BTNL3: variants seen among roughly 807,000 people sequenced by gnomAD.
BTNL3 encodes butyrophilin like 3.
In BTNL3, 20 loss-of-function variants were observed where a neutral mutation model predicts 40.1. That is an observed-to-expected ratio of 0.50 (90% CI 0.35 to 0.72). BTNL3 has a LOEUF of 0.72. Ranked by LOEUF, BTNL3 falls within the 30% of genes least tolerant of loss-of-function variation. The pLI, the probability that BTNL3 is intolerant of heterozygous loss-of-function variation, is 0.01. For synonymous variants in BTNL3, 179 were observed against 222.1 expected, an observed-to-expected ratio of 0.81 and a Z score of 1.73; for missense variants, 449 against 582.2, an observed-to-expected ratio of 0.77 and a Z score of 2.35.
In BTNL3 at chr5:181,005,840, C is replaced by T. The variant is rs1355871132; in HGVS notation, c.1369C>T (p.Pro457Ser). ...GATGTATGACGAGGAAAAGGGGACTCCCATATTCATATGTCCAGTGTCCTG... is the reference window on the plus strand; with the variant it reads ...GATGTATGACGAGGAAAAGGGGACTTCCATATTCATATGTCCAGTGTCCTG... ...HAMYDEEKGT[P>S]IFICPVSWG is the part of the protein sequence containing the mutation. Residue 457 changes from proline to serine, a missense_variant, in exon 8 of 8, where the codon CCC (proline) becomes TCC (serine). By Grantham distance (74) the Pro-to-Ser change is moderately conservative (BLOSUM62 -1). Transcript: ENST00000342868. The T allele has an allele frequency of 6.2e-7, 1 of 1,612,120 alleles. No individual in the cohort carries two copies. The highest frequency in any genetic ancestry group is 8.5e-7 in the Non-Finnish European group (1 of 1,178,952).
At chr5:180,997,989 G>A (rs1407710404) in intron 3 of BTNL3, among the ~76,000 whole-genome samples, 3 of 136,132 alleles carry the variant, frequency 2.2e-5, no homozygotes, top group African/African-American at 5.1e-5. Context: ...AAATCTCATC[G>A]CTTGAACCCA....
chr5:180,992,410 A>G (rs1048528095), intron 1 of BTNL3, among the ~76,000 whole-genome samples: 2 of 137,192 alleles, frequency 1.5e-5, no homozygotes, highest in Admixed American at 1.5e-4. Flanking sequence ...GGTTTTTAGC[A>G]TAGAAGATGC....
chr5:181,004,890 C>T lies in BTNL3; in HGVS notation c.862+128C>T, dbSNP rs867033878. 57 of 1,551,952 alleles carry T rather than the reference C, an allele frequency of 3.7e-5. 1 individual carries two copies. The Middle Eastern group carries it at 2.5e-3, about 68-fold the overall frequency. On this transcript the variant is annotated intron_variant, in intron 7 of 7. Transcript: ENST00000342868. ...AATCCACCCCAGGGTGCAGCTGCCT[C>T]TAAATACACTTCTTGGCCCAGGACT...
At chr5:180,991,015 G>A (rs947897710) in intron 1 of BTNL3, among the ~76,000 whole-genome samples, 3 of 137,060 alleles carry the variant, frequency 2.2e-5, no homozygotes, top group African/African-American at 7.5e-5. Context: ...CCTGGGCTGA[G>A]GAGGTTCCAA....
chr5:180,993,063 G>A lies in BTNL3; in HGVS notation c.300G>A (p.Arg100=). 1.4e-6 allele frequency: 2 copies of A among 1,455,386 alleles called. 1 individual carries two copies. The allele number at this position is 1,455,386 out of a possible 1,614,324, so 90.2% of individuals were successfully genotyped here. Residue 100 remains arginine, a synonymous_variant, in exon 2 of 8, where the codon AGG becomes AGA. Transcript: ENST00000342868. ...TTGCAGGGGGGCGTGTCTCTCTAAGGCTAAAAAACATCACTCCCTCGGACA... is the reference window on the plus strand; with the variant it reads ...TTGCAGGGGGGCGTGTCTCTCTAAGACTAAAAAACATCACTCCCTCGGACA... ...DSIAGGRVSL[R]LKNITPSDIG...
At position 181,002,512 on chromosome 5, in the gene BTNL3, C is replaced by T. The variant is rs1436436562; in HGVS notation, c.674-160C>T. On this transcript the variant is annotated intron_variant, in intron 3 of 7. Coordinates refer to ENST00000342868, the MANE Select transcript of BTNL3 (RefSeq NM_197975.3). ...TATATATATATATATATATGAAATC[C>T]GGATGGATCAAGATGTTTATAGAAA... is the stretch of plus-strand genomic sequence containing the variant. Among the ~76,000 whole-genome samples the T allele has an allele frequency of 5.0e-5, 4 of 80,170 alleles. 1 individual carries two copies. Among genetic ancestry groups the T allele is most frequent in the African/African-American group, 1.3e-4 (3 of 23,826 alleles). 52.6% of individuals were successfully genotyped at this position (80,170 alleles called of 152,430 possible).
At position 180,993,156 on chromosome 5, in the gene BTNL3, G is replaced by T; in HGVS notation, c.393G>T (p.Val131=). ...YDEEATWELR[V]AALGSLPLIS... ...AGGAGGCCACCTGGGAGCTGCGGGT[G>T]GCAGGTCAGTTGTTTATTTATGACT... Residue 131 remains valine (V), a synonymous_variant, in exon 2 of 8, where the codon GTG becomes GTT. Coordinates refer to ENST00000342868, the MANE Select transcript of BTNL3 (RefSeq NM_197975.3). The T allele has an allele frequency of 7.0e-7, 1 of 1,433,342 alleles. No individual in the cohort carries two copies. Among genetic ancestry groups the T allele is most frequent in the Non-Finnish European group, 9.6e-7 (1 of 1,042,976 alleles). 88.8% of individuals were successfully genotyped at this position (1,433,342 alleles called of 1,614,324 possible).
At chr5:180,998,683 T>A (rs1760065756) in intron 3 of BTNL3, among the ~76,000 whole-genome samples, 2 of 137,658 alleles carry the variant, frequency 1.5e-5, no homozygotes, top group Non-Finnish European at 3.3e-5. Context: ...ATAGTTTAAA[T>A]TCTTATGTGT....
Position 180,992,617 on chromosome 5 carries a change from A to T in BTNL3, c.50-196A>T, listed in dbSNP as rs1490425333. ...CATACCTCACCTCATCTCACATGAG[A>T]TGTGTGTGAGAACCGAGTGAAGTAA... On this transcript the variant is annotated intron_variant, in intron 1 of 7. Coordinates refer to ENST00000342868, the MANE Select transcript of BTNL3 (RefSeq NM_197975.3). Among the ~76,000 whole-genome samples, 2 of 137,220 alleles carry T rather than the reference A, an allele frequency of 1.5e-5. 1 individual carries two copies. The highest frequency in any genetic ancestry group is 3.3e-5 in the Non-Finnish European group (2 of 59,926). 90.0% of individuals were successfully genotyped at this position (137,220 alleles called of 152,430 possible).
rs933247555 is a variant in BTNL3, at chr5:181,001,259, T to C, written c.674-1413T>C. On this transcript the variant is annotated intron_variant, in intron 3 of 7. Transcript: ENST00000342868. ...AAGATACCAGTTCTCCTAGAATTGC[T>C]GTACAGATTCAATACAATTCCATAG... Among the ~76,000 whole-genome samples, 17 of 136,932 alleles carry C rather than the reference T, an allele frequency of 1.2e-4. 5 individuals carry two copies. The highest frequency in any genetic ancestry group is 1.0e-4 in the Non-Finnish European group (6 of 59,896). 89.8% of individuals were successfully genotyped at this position (136,932 alleles called of 152,430 possible). A position where few individuals can be genotyped will look rare whatever the true frequency, so the allele number is the denominator to read the frequency against.
Position 180,992,872 on chromosome 5 carries a change from G to A in BTNL3, c.109G>A (p.Val37Met), listed in dbSNP as rs754749548. ...FVQALVGEDA[V>M]FSCSLFPETS... ...CCAGGCCTTGGTGGGGGAGGACGCCGTGTTCTCCTGCTCCCTCTTTCCTGA... is the reference window on the plus strand; with the variant it reads ...CCAGGCCTTGGTGGGGGAGGACGCCATGTTCTCCTGCTCCCTCTTTCCTGA... Residue 37 changes from valine to methionine, a missense_variant, in exon 2 of 8, where the codon GTG (valine) becomes ATG (methionine). This residue lies in a region of BTNL3 where 323 missense variants were observed against 464.9 expected (regional missense o/e 0.69). Transcript: ENST00000342868. The A allele has an allele frequency of 5.9e-5, 87 of 1,463,070 alleles. 21 individuals are homozygous for A. Among genetic ancestry groups the A allele is most frequent in the Admixed American group, 1.9e-4 (10 of 53,214 alleles). 90.6% of individuals were successfully genotyped at this position (1,463,070 alleles called of 1,614,324 possible). A position where few individuals can be genotyped will look rare whatever the true frequency, so the allele number is the denominator to read the frequency against.
At chr5:180,998,754 A>G (rs1760067018) in intron 3 of BTNL3, among the ~76,000 whole-genome samples, 1 of 138,116 alleles carries the variant, frequency 7.2e-6, no homozygotes, top group Admixed American at 7.6e-5. Flanking sequence ...TGATAGGTAG[A>G]AAATTCTTAA....
chr5:180,992,739 T>C, intron 1 of BTNL3, 74 bp from the exon 2 acceptor site: 1 of 1,420,832 alleles, frequency 7.0e-7, no homozygotes, highest in Non-Finnish European at 9.7e-7. Context: ...TACCCCACAC[T>C]TCTCCACCCA....
intron 4 of BTNL3, among the ~76,000 whole-genome samples, chr5:181,003,557 C>T (rs1449447397): frequency 2.1e-5 from 3 of 139,638 alleles, no homozygotes; most frequent in Admixed American, 1.5e-4. Flanking sequence ...AGTGACACTT[C>T]CCCTTGGGGG....
chr5:180,997,820 G>A (rs114803039), intron 3 of BTNL3, among the ~76,000 whole-genome samples: 4,475 of 136,832 alleles, frequency 0.033, 671 homozygotes, highest in African/African-American at 0.1. Flanking sequence ...AGAAAACGTC[G>A]TTGCTCCTTC....
chr5:180,997,349 C>T lies in BTNL3; in HGVS notation c.534C>T (p.Asp178=). 1 of 1,464,488 alleles carries T rather than the reference C, an allele frequency of 6.8e-7. No homozygotes were observed. Among genetic ancestry groups the T allele is most frequent in the South Asian group, 1.1e-5 (1 of 89,326 alleles). 90.7% of individuals were successfully genotyped at this position (1,464,488 alleles called of 1,614,324 possible). Residue 178 remains aspartate, a synonymous_variant, in exon 3 of 8, where the codon GAC becomes GAT. Transcript: ENST00000342868. ...CACAAGGACAGGATTTGTCTTCAGA[C>T]TCCAGAGCAAATGCAGATGGGTACA... The part of the protein sequence containing the change: ...KGPQGQDLSS[D]SRANADGYSL...
chr5:180,997,087 TGTGAGA>T, intron 2 of BTNL3, 120 bp from the exon 3 acceptor site: 2 of 1,239,232 alleles, frequency 1.6e-6, no homozygotes, highest in South Asian at 1.3e-5. Flanking sequence ...GATGTGTGTG[TGTGAGA>T]GAGAGAGAGA....
intron 3 of BTNL3, among the ~76,000 whole-genome samples, chr5:181,000,542 C>T (rs1347834265): frequency 3.0e-5 from 4 of 135,088 alleles, no homozygotes; most frequent in Non-Finnish European, 6.7e-5. Flanking sequence ...CGCGGTGGCT[C>T]ACGCCTGTAA....
At chr5:180,995,239 C>A (rs541269249) in intron 2 of BTNL3, among the ~76,000 whole-genome samples, 3 of 136,608 alleles carry the variant, frequency 2.2e-5, no homozygotes, top group African/African-American at 7.5e-5. Flanking sequence ...TTCATAATTG[C>A]TTTTTGAAAC....
Sources: allele counts gnomAD v4.1 joint callset (sites outside exome capture counted in the v4.1 genomes callset), GRCh38; gene constraint gnomAD v4.1.1; regional missense constraint gnomAD v4.1.1; transcripts MANE v1.5; gene names NCBI Gene and HGNC (gene_info 2026-07-23, HGNC 2026-07-21).